ZC3HAV1L: variants seen among roughly 807,000 people sequenced by gnomAD.
ZC3HAV1L encodes zinc finger CCCH-type antiviral protein 1-like.
ZC3HAV1L carries 23 observed loss-of-function variants against 28.2 expected under a neutral mutation model. That is an observed-to-expected ratio of 0.82 (90% CI 0.59 to 1.16). The LOEUF is 1.16. Among genes scored for constraint, ZC3HAV1L ranks in the 50% most tolerant of loss-of-function variants. The pLI is 0.00. For missense variants in ZC3HAV1L, 376 were observed against 387.7 expected (o/e 0.97, Z 0.25); for synonymous variants, 180 against 163.4 (o/e 1.10, Z -0.78).
intron 2 of ZC3HAV1L, among the ~76,000 whole-genome samples, chr7:139,029,899 CCCAGA>C (rs1815473208): frequency 6.6e-6 from 1 of 152,110 alleles, no homozygotes; most frequent in Non-Finnish European, 1.5e-5. Context: ...CTGGGTCTAT[CCCAGA>C]CACACCAAGA....
At chr7:139,033,889 A>G (rs1185022476) in intron 2 of ZC3HAV1L, 2 of 985,242 alleles carry the variant, frequency 2.0e-6, no homozygotes, top group Admixed American at 1.2e-4. Flanking sequence ...TACTGCTTGC[A>G]TCTACTTTGG....
At position 139,035,899 on chromosome 7, in the gene ZC3HAV1L, A is replaced by G. The variant is rs1311080429; in HGVS notation, c.119T>C (p.Val40Ala). ...VELSEARLRDVLQRAGPERFL... is the reference protein window; with the variant it reads ...VELSEARLRDALQRAGPERFL... ...ACGCTCGGGCCCGGCGCGCTGCAGC[A>G]CGTCCCGGAGCCTGGCCTCCGACAG... Residue 40 changes from valine (V) to alanine (A), a missense_variant, in exon 1 of 5, where the codon GTG becomes GCG. Physicochemically the swap from Val to Ala is moderately conservative, Grantham distance 64. Coordinates refer to ENST00000275766, the MANE Select transcript of ZC3HAV1L (RefSeq NM_080660.4). 6.6e-7 allele frequency: 1 copy of G among 1,514,924 alleles called. No individual in the cohort carries two copies. The highest frequency in any genetic ancestry group is 2.0e-5 in the Admixed American group (1 of 49,274). 93.8% of individuals were successfully genotyped at this position (1,514,924 alleles called of 1,614,324 possible).
At chr7:139,026,588 T>G (rs370247895) in intron 4 of ZC3HAV1L, 28 bp from the exon 5 acceptor site, 26 of 1,612,088 alleles carry the variant, frequency 1.6e-5, no homozygotes, top group Non-Finnish European at 2.2e-5. Flanking sequence ...TTATGACCAT[T>G]ACAAATCTAT....
intron 3 of ZC3HAV1L, among the ~76,000 whole-genome samples, chr7:139,028,198 C>T (rs1185048728): frequency 2.6e-5 from 4 of 151,942 alleles, no homozygotes; most frequent in Non-Finnish European, 5.9e-5. Flanking sequence ...CATGGTGAAA[C>T]CCCGCCTCGA....
chr7:139,027,744 C>T (rs895991592), intron 3 of ZC3HAV1L, among the ~76,000 whole-genome samples: 1 of 151,642 alleles, frequency 6.6e-6, no homozygotes, highest in African/African-American at 2.4e-5. Context: ...TGCAATATTC[C>T]TAGCAATATG....
chr7:139,023,267 C>G (rs1389486109), downstream of ZC3HAV1L, among the ~76,000 whole-genome samples: 2 of 150,102 alleles, frequency 1.3e-5, no homozygotes, highest in Non-Finnish European at 3.0e-5. Flanking sequence ...CCAAGTAGGT[C>G]AAGTACATAC....
In ZC3HAV1L at chr7:139,035,637, G is replaced by A. The variant is rs774721975; in HGVS notation, c.365+16C>T. The A allele has an allele frequency of 1.4e-6, 2 of 1,389,638 alleles. No homozygotes were observed. The highest frequency in any genetic ancestry group is 9.3e-7 in the Non-Finnish European group (1 of 1,080,148). 86.1% of individuals were successfully genotyped at this position (1,389,638 alleles called of 1,614,324 possible). On this transcript the variant is annotated intron_variant, in intron 1 of 4. Coordinates refer to ENST00000275766, the MANE Select transcript of ZC3HAV1L (RefSeq NM_080660.4). ...CGGCCAGCGCCCACAGTCCCCGCCC[G>A]CCGCCGCCTTCTCACCAGCAGTCCC...
chr7:139,034,410 A>G, intron 2 of ZC3HAV1L, 133 bp downstream of exon 2: 2 of 1,349,794 alleles, frequency 1.5e-6, no homozygotes, highest in East Asian at 4.6e-5. Context: ...TATAAAGGGT[A>G]CCTTTAAAGC....
chr7:139,022,381 TAA>T, downstream of ZC3HAV1L: 1 of 432,568 alleles, frequency 2.3e-6, no homozygotes, highest in Non-Finnish European at 4.6e-6. Context: ...TTGTCTCTAC[TAA>T]AAACCTAAAA....
At chr7:139,035,472 C>T in intron 1 of ZC3HAV1L, 181 bp downstream of exon 1, 3 of 985,384 alleles carry the variant, frequency 3.0e-6, no homozygotes, top group Non-Finnish European at 3.6e-6. Flanking sequence ...CGCGCCTTTC[C>T]GCCCAGCTGC....
chr7:139,028,619 A>C, intron 3 of ZC3HAV1L, 83 bp downstream of exon 3: 1 of 1,517,680 alleles, frequency 6.6e-7, no homozygotes. Flanking sequence ...ACTCACTTTC[A>C]TGTCACTGTT....
At chr7:139,026,913 G>A in intron 3 of ZC3HAV1L, 80 bp from the exon 4 acceptor site, 1 of 1,492,792 alleles carries the variant, frequency 6.7e-7, no homozygotes, top group Non-Finnish European at 9.0e-7. Context: ...CAGCTAACCA[G>A]CCATCAGACA....
intron 2 of ZC3HAV1L, among the ~76,000 whole-genome samples, chr7:139,032,032 C>G (rs1049283141): frequency 6.6e-6 from 1 of 151,802 alleles, no homozygotes; most frequent in African/African-American, 2.4e-5. Flanking sequence ...CTATGACCAG[C>G]CTGGGCAACA....
At chr7:139,033,420 G>C (rs1295085739) in intron 2 of ZC3HAV1L, among the ~76,000 whole-genome samples, 1 of 152,144 alleles carries the variant, frequency 6.6e-6, no homozygotes, top group East Asian at 1.9e-4. Context: ...TATTGAGAGA[G>C]TGGTAAAAGC....
chr7:139,034,297 T>C (rs1359260514), intron 2 of ZC3HAV1L, among the ~76,000 whole-genome samples: 3 of 152,222 alleles, frequency 2.0e-5, no homozygotes, highest in Admixed American at 6.5e-5. Context: ...GTGGTCTTAA[T>C]TGATGTTCCA....
rs779318940 is a variant in ZC3HAV1L, at chr7:139,035,879, C to T, written c.139G>A (p.Glu47Lys). 4.6e-6 allele frequency: 7 copies of T among 1,511,506 alleles called. No homozygotes were observed. The highest frequency in any genetic ancestry group is 2.9e-5 in the African/African-American group (2 of 69,340). 93.6% of individuals were successfully genotyped at this position (1,511,506 alleles called of 1,614,324 possible). Residue 47 changes from glutamate to lysine, a missense_variant, in exon 1 of 5, where the codon GAG becomes AAG. By Grantham distance (56) the Glu-to-Lys change is moderately conservative (BLOSUM62 1). Coordinates refer to ENST00000275766, the MANE Select transcript of ZC3HAV1L (RefSeq NM_080660.4). The part of the protein sequence containing the change: ...LRDVLQRAGP[E>K]RFLLQEVETQ... ...TCCACCTCCTGCAGCAGGAAACGCT[C>T]GGGCCCGGCGCGCTGCAGCACGTCC...
chr7:139,035,221 G>A lies in ZC3HAV1L; in HGVS notation c.365+432C>T, dbSNP rs193191645. 390 of 985,444 alleles carry A rather than the reference G, an allele frequency of 4.0e-4. No individual in the cohort carries two copies. The African/African-American group carries it at 6.1e-3, about 16-fold the overall frequency. The allele number at this position is 985,444 out of a possible 1,614,324, so 61.0% of individuals were successfully genotyped here. On this transcript the variant is annotated intron_variant, in intron 1 of 4. Coordinates refer to ENST00000275766, the MANE Select transcript of ZC3HAV1L (RefSeq NM_080660.4). ...TGTTAAACCTAGAGGGCGCAGACCC[G>A]CTTCTGCACAAGTGTGTGGATATGG...
downstream of ZC3HAV1L, among the ~76,000 whole-genome samples, chr7:139,023,056 T>C (rs1434587165): frequency 6.6e-6 from 1 of 151,868 alleles, no homozygotes; most frequent in East Asian, 1.9e-4. Flanking sequence ...ATGCCTATAA[T>C]CCCAGCTACT....
chr7:139,035,634 CCCG>C lies in ZC3HAV1L; in HGVS notation c.365+16_365+18del, dbSNP rs1489307026. On this transcript the variant is annotated intron_variant, in intron 1 of 4. Transcript: ENST00000275766. ...CCGCGGCCAGCGCCCACAGTCCCCG[CCCG>C]CCGCCGCCTTCTCACCAGCAGTCCC... 4.3e-6 allele frequency: 6 copies of C among 1,389,420 alleles called. No homozygotes were observed. Among genetic ancestry groups the C allele is most frequent in the Admixed American group, 3.6e-5 (1 of 27,970 alleles). The allele number at this position is 1,389,420 out of a possible 1,614,324, so 86.1% of individuals were successfully genotyped here.
Sources: allele counts gnomAD v4.1 joint callset (sites outside exome capture counted in the v4.1 genomes callset), GRCh38; gene constraint gnomAD v4.1.1; transcripts MANE v1.5; gene names NCBI Gene and HGNC (gene_info 2026-07-23, HGNC 2026-07-21).